Variants in PAPPA2 observed in about 807,000 individuals in gnomAD.
The protein encoded by PAPPA2 is pappalysin 2, also known as pappalysin-2.
Under a neutral mutation model 176.4 loss-of-function variants are expected in PAPPA2, and 86 were observed. The ratio of observed to expected loss-of-function variants is 0.49; its 90% confidence interval spans 0.41 to 0.58. PAPPA2 has a LOEUF of 0.58. PAPPA2 is among the 20% of genes least tolerant of loss of function. The pLI, the probability that PAPPA2 is intolerant of heterozygous loss-of-function variation, is 0.00. For missense variants in PAPPA2, 2,073 were observed against 2,256.9 expected, an observed-to-expected ratio of 0.92 and a Z score of 1.65; for synonymous variants, 809 against 852.2, an observed-to-expected ratio of 0.95 and a Z score of 0.88.
chr1:176,820,944 G>T (rs546180177), intron 21 of PAPPA2, among the ~76,000 whole-genome samples: 1 of 152,050 alleles, frequency 6.6e-6, no homozygotes, highest in Non-Finnish European at 1.5e-5. Flanking sequence ...AGAAACAAAG[G>T]CTCCAAATTC....
intron 10 of PAPPA2, among the ~76,000 whole-genome samples, chr1:176,706,775 T>C (rs1027437491): frequency 6.6e-5 from 10 of 152,200 alleles, no homozygotes; most frequent in African/African-American, 2.4e-4. Flanking sequence ...CCTAGCTTAA[T>C]GTTACCAGGG....
chr1:176,607,903 C>T (rs1395479418), intron 3 of PAPPA2, among the ~76,000 whole-genome samples: 2 of 151,964 alleles, frequency 1.3e-5, no homozygotes, highest in African/African-American at 4.8e-5. Context: ...TTTGTTAATT[C>T]GTAATTTGGA....
rs148418843 is a variant in PAPPA2, at chr1:176,711,296, G to A, written c.3652-539G>A. 7.4e-3 allele frequency among the ~76,000 whole-genome samples: 1,133 copies of A among 152,250 alleles called. 20 individuals carry two copies. The highest frequency in any genetic ancestry group is 0.025 in the African/African-American group (1,052 of 41,548). ...CTTGCTCTTTCAAGTCCTGGCATCC[G>A]ATGACAGGAAGCCAGGGAAGTTGGG... On this transcript the variant is annotated intron_variant, in intron 11 of 22. Transcript: ENST00000367662.
chr1:176,605,124 A>G (rs1202099595), intron 3 of PAPPA2, among the ~76,000 whole-genome samples: 2 of 152,178 alleles, frequency 1.3e-5, no homozygotes, highest in Admixed American at 6.5e-5. Context: ...AATCTGAAAC[A>G]TGGGGTAAAT....
At chr1:176,819,961 C>T (rs1054832282) in intron 21 of PAPPA2, among the ~76,000 whole-genome samples, 12 of 152,234 alleles carry the variant, frequency 7.9e-5, no homozygotes, top group African/African-American at 2.2e-4. Context: ...TTCCTAGTAA[C>T]CCCCCAGCAC....
intron 1 of PAPPA2, among the ~76,000 whole-genome samples, chr1:176,497,870 A>G (rs988673967): frequency 6.6e-6 from 1 of 152,200 alleles, no homozygotes; most frequent in Admixed American, 6.5e-5. Flanking sequence ...CCTATAGGCA[A>G]TTATTTACAT....
chr1:176,486,047 T>G (rs1424110292), intron 1 of PAPPA2, among the ~76,000 whole-genome samples: 1 of 152,136 alleles, frequency 6.6e-6, no homozygotes, highest in Non-Finnish European at 1.5e-5. Context: ...TTTAGTAAGG[T>G]TTGTTTATAT....
intron 1 of PAPPA2, among the ~76,000 whole-genome samples, chr1:176,543,236 C>G (rs1157429544): frequency 1.3e-5 from 2 of 152,168 alleles, no homozygotes; most frequent in Admixed American, 1.3e-4. Context: ...GTGTGGCCAC[C>G]TATTCTTCCA....
At chr1:176,675,897 T>C (rs190962028) in intron 4 of PAPPA2, among the ~76,000 whole-genome samples, 161 of 152,058 alleles carry the variant, frequency 1.1e-3, no homozygotes, top group African/African-American at 3.6e-3. Flanking sequence ...CAAACAAAAA[T>C]ATTTCAGTTA....
chr1:176,511,329 T>C (rs1440236697), intron 1 of PAPPA2, among the ~76,000 whole-genome samples: 1 of 152,204 alleles, frequency 6.6e-6, no homozygotes, highest in East Asian at 1.9e-4. Flanking sequence ...TCATTCATGA[T>C]TAAAACTCTC....
At chr1:176,766,437 A>G (rs2102906884) in intron 15 of PAPPA2, among the ~76,000 whole-genome samples, 1 of 152,376 alleles carries the variant, frequency 6.6e-6, no homozygotes, top group East Asian at 1.9e-4. Flanking sequence ...CTCAGGAGAC[A>G]GATCGGAATT....
At chr1:176,663,244 C>A (rs1001952949) in intron 3 of PAPPA2, among the ~76,000 whole-genome samples, 33 of 152,230 alleles carry the variant, frequency 2.2e-4, no homozygotes, top group African/African-American at 7.5e-4. Context: ...CAAAAACTTC[C>A]CATCATGGAT....
chr1:176,661,710 A>G (rs1021469198), intron 3 of PAPPA2, among the ~76,000 whole-genome samples: 1 of 151,980 alleles, frequency 6.6e-6, no homozygotes, highest in Non-Finnish European at 1.5e-5. Context: ...AACATGAAGA[A>G]CACAACTGAT....
At chr1:176,741,534 G>A (rs1662677541) in intron 14 of PAPPA2, among the ~76,000 whole-genome samples, 1 of 152,154 alleles carries the variant, frequency 6.6e-6, no homozygotes, top group South Asian at 2.1e-4. Context: ...TATTGGAAGT[G>A]ATAGTCCATT....
intron 1 of PAPPA2, among the ~76,000 whole-genome samples, chr1:176,548,163 G>A (rs975988602): frequency 2.0e-5 from 3 of 152,146 alleles, no homozygotes; most frequent in African/African-American, 7.2e-5. Context: ...TAAAAAGTCA[G>A]TATCAGTTAA....
intron 12 of PAPPA2, among the ~76,000 whole-genome samples, chr1:176,731,123 A>G (rs1011523854): frequency 1.3e-5 from 2 of 152,136 alleles, no homozygotes; most frequent in African/African-American, 2.4e-5. Context: ...ATACATAAAC[A>G]TCCACAAGAT....
intron 21 of PAPPA2, among the ~76,000 whole-genome samples, chr1:176,822,425 A>G (rs1440838616): frequency 6.6e-6 from 1 of 152,186 alleles, no homozygotes; most frequent in African/African-American, 2.4e-5. Flanking sequence ...TAGGTCTCTT[A>G]CAATCCAGGT....
rs1660546729 is a variant in PAPPA2 at position 176,699,514 on chromosome 1, A to G, written c.3161A>G (p.Gln1054Arg). The G allele has an allele frequency of 6.2e-6, 10 of 1,613,808 alleles. No individual in the cohort carries two copies. Among genetic ancestry groups the G allele is most frequent in the Admixed American group, 1.7e-5 (1 of 59,988 alleles). ...TCTGGCTGCAGGCCTGTGAGGTACC[A>G]GGTTCTCCGCGATCCCCCATTTGCC... ...LCSGCRPVRY[Q>R]VLRDPPFASG... The change falls in exon 8 of 23, where the codon CAG becomes CGG. Residue 1054 changes from glutamine (Q) to arginine (R), a missense_variant. This residue lies in a region of PAPPA2 where 4 missense variants were observed against 16.5 expected (regional missense o/e 0.24). Coordinates refer to ENST00000367662, the MANE Select transcript of PAPPA2 (RefSeq NM_020318.3).
chr1:176,512,988 C>G (rs549918817), intron 1 of PAPPA2, among the ~76,000 whole-genome samples: 13 of 152,254 alleles, frequency 8.5e-5, no homozygotes, highest in African/African-American at 2.9e-4. Context: ...ATAGCCTGAT[C>G]CTTCTGCAAA....
Sources: gnomAD v4.1 joint callset for allele counts (sites outside exome capture counted in the v4.1 genomes callset) on GRCh38, gnomAD v4.1.1 for gene constraint, gnomAD v4.1.1 regional missense constraint, MANE v1.5 for transcripts, NCBI Gene and HGNC (gene_info 2026-07-23, HGNC 2026-07-21) for gene names.